ANKRD31: variants seen among roughly 807,000 people sequenced by gnomAD.
ANKRD31 encodes ankyrin repeat domain-containing protein 31.
In ANKRD31, 147 loss-of-function variants were observed where a neutral mutation model predicts 186.0. The observed-to-expected ratio is 0.79, with a 90% CI of 0.69 to 0.91. ANKRD31 has a LOEUF of 0.91. Among genes scored for constraint, ANKRD31 ranks in the 40% least tolerant of loss-of-function variants. The pLI is 0.00. For synonymous variants in ANKRD31, 673 were observed against 736.4 expected (o/e 0.91, Z 1.39); for missense variants, 1,986 against 2,148.8 (o/e 0.92, Z 1.50).
intron 3 of ANKRD31, among the ~76,000 whole-genome samples, chr5:75,221,348 A>C (rs1757288904): frequency 6.6e-6 from 1 of 152,178 alleles, no homozygotes; most frequent in Admixed American, 6.5e-5. Flanking sequence ...AAAAGTAAAA[A>C]TTCTTTGTGT....
intron 25 of ANKRD31, among the ~76,000 whole-genome samples, chr5:75,072,300 G>T (rs1744298471): frequency 6.6e-6 from 1 of 151,976 alleles, no homozygotes; most frequent in Non-Finnish European, 1.5e-5. Flanking sequence ...AAATCAAAGT[G>T]TTGTGTTTGA....
intron 11 of ANKRD31, among the ~76,000 whole-genome samples, chr5:75,157,693 T>C (rs548086957): frequency 2.6e-4 from 39 of 152,292 alleles, no homozygotes; most frequent in African/African-American, 9.4e-4. Flanking sequence ...TCCTGTTGTC[T>C]AGTGGCATGA....
intron 11 of ANKRD31, among the ~76,000 whole-genome samples, chr5:75,158,346 A>G (rs1001730269): frequency 1.5e-4 from 23 of 152,170 alleles, no homozygotes; most frequent in Admixed American, 1.4e-3. Flanking sequence ...AACAAGAAAA[A>G]AATTTTGCAA....
chr5:75,091,196 C>T (rs190346250), intron 23 of ANKRD31, 65 bp downstream of exon 23: 1 of 1,464,894 alleles, frequency 6.8e-7, no homozygotes, highest in Non-Finnish European at 9.0e-7. Context: ...AAAATACTTT[C>T]ATCACAAAAA....
chr5:75,216,771 A>G (rs1244173314), intron 3 of ANKRD31, among the ~76,000 whole-genome samples: 1 of 152,046 alleles, frequency 6.6e-6, no homozygotes, highest in Non-Finnish European at 1.5e-5. Flanking sequence ...ACTTATGCCA[A>G]GGTGCTAACA....
At chr5:75,128,501 TTTTA>T (rs1271760104) in intron 17 of ANKRD31, among the ~76,000 whole-genome samples, 2 of 151,314 alleles carry the variant, frequency 1.3e-5, no homozygotes, top group Non-Finnish European at 2.9e-5. Flanking sequence ...TTTCACTTTA[TTTTA>T]TTTATTTATT....
intron 10 of ANKRD31, among the ~76,000 whole-genome samples, chr5:75,188,117 A>G (rs889615659): frequency 1.3e-5 from 2 of 151,710 alleles, no homozygotes; most frequent in African/African-American, 4.8e-5. Flanking sequence ...TTCATCATAA[A>G]TTTTCCCCTA....
At chr5:75,217,843 T>C (rs543230307) in intron 3 of ANKRD31, among the ~76,000 whole-genome samples, 2 of 152,282 alleles carry the variant, frequency 1.3e-5, no homozygotes, top group Admixed American at 6.5e-5. Flanking sequence ...GTGGTTGCTT[T>C]ATACTGTCAC....
In ANKRD31 at chr5:75,068,607, A is replaced by T; in HGVS notation, c.5705T>A (p.Leu1902Gln). Reference protein sequence around the residue: ...SPRYLQINEILLISDQEFLPC... With the variant: ...SPRYLQINEIQLISDQEFLPC... ...GAGAAATTCTTGATCACTGATTAAT[A>T]GTATTTCATTTATTTGTAGATAACG... Residue 1902 changes from leucine to glutamine, a missense_variant, in exon 26 of 26, where the codon CTA (leucine) becomes CAA (glutamine). Physicochemically the swap from Leu to Gln is moderately radical, Grantham distance 113. Coordinates refer to ENST00000506364, the MANE Select transcript of ANKRD31 (RefSeq NM_001372053.1). The T allele has an allele frequency of 3.3e-6, 5 of 1,523,916 alleles. No individual in the cohort carries two copies. Among genetic ancestry groups the T allele is most frequent in the Non-Finnish European group, 4.4e-6 (5 of 1,141,346 alleles). 94.4% of individuals were successfully genotyped at this position (1,523,916 alleles called of 1,614,324 possible). A position where few individuals can be genotyped will look rare whatever the true frequency, so the allele number is the denominator to read the frequency against.
At chr5:75,114,214 T>C (rs1449770473) in intron 19 of ANKRD31, among the ~76,000 whole-genome samples, 1 of 152,180 alleles carries the variant, frequency 6.6e-6, no homozygotes, top group Non-Finnish European at 1.5e-5. Context: ...CGAGGGCAGC[T>C]AAACCAGGCT....
At chr5:75,197,536 T>C (rs1465443274) in intron 6 of ANKRD31, among the ~76,000 whole-genome samples, 1 of 152,200 alleles carries the variant, frequency 6.6e-6, no homozygotes, top group Non-Finnish European at 1.5e-5. Context: ...TATATATTAA[T>C]AGCATACAGC....
chr5:75,140,597 A>G (rs1202710338), intron 15 of ANKRD31, among the ~76,000 whole-genome samples: 2 of 152,298 alleles, frequency 1.3e-5, no homozygotes, highest in South Asian at 2.1e-4. Flanking sequence ...AACCAATAGA[A>G]TATTTCCATA....
chr5:75,130,115 T>C (rs767382974), intron 17 of ANKRD31, among the ~76,000 whole-genome samples: 18 of 152,300 alleles, frequency 1.2e-4, no homozygotes, highest in South Asian at 2.1e-4. Context: ...TGGTGGGTTC[T>C]TGGTCTCACT....
At position 75,193,537 on chromosome 5, in the gene ANKRD31, T is replaced by C; in HGVS notation, c.1072A>G (p.Thr358Ala). Reference sequence around the variant, plus strand: ...TTATTACTTAGTGGCTCACAAGAAGTGATATTTTGATGAGCCAAAGTTTGC... The same window carrying C: ...TTATTACTTAGTGGCTCACAAGAAGCGATATTTTGATGAGCCAAAGTTTGC... ...GLQTLAHQNI[T>A]SCEPLSNKRN... The change falls in exon 8 of 26, where the codon ACT becomes GCT. Residue 358 changes from threonine to alanine, a missense_variant. Coordinates refer to ENST00000506364, the MANE Select transcript of ANKRD31 (RefSeq NM_001372053.1). 2 of 1,536,760 alleles carry C rather than the reference T, an allele frequency of 1.3e-6. No individual in the cohort carries two copies.
chr5:75,187,062 G>A (rs183348570), intron 10 of ANKRD31, among the ~76,000 whole-genome samples: 41 of 142,054 alleles, frequency 2.9e-4, no homozygotes, highest in South Asian at 4.4e-4. Context: ...TGTTTTGGGA[G>A]GCAAAATGAT....
chr5:75,087,304 G>A (rs1745571697), intron 23 of ANKRD31, among the ~76,000 whole-genome samples: 2 of 152,102 alleles, frequency 1.3e-5, no homozygotes, highest in African/African-American at 2.4e-5. Flanking sequence ...CTGAGGTCAG[G>A]AGTTTGAGCC....
In ANKRD31 at chr5:75,091,325, A is replaced by G. The variant is rs1407420552; in HGVS notation, c.5408T>C (p.Val1803Ala). ...TCCCAGAAGATCCTTGAGCCAGGTGACTGGGTTTTTATAAATCTGACCACT... is the reference window on the plus strand; with the variant it reads ...TCCCAGAAGATCCTTGAGCCAGGTGGCTGGGTTTTTATAAATCTGACCACT... ...VESGQIYKNP[V>A]TWLKDLLGGN... Residue 1803 changes from valine (V) to alanine (A), a missense_variant, in exon 23 of 26, where the codon GTC (valine) becomes GCC (alanine). Val to Ala is a moderately conservative substitution (Grantham distance 64). Coordinates refer to ENST00000506364, the MANE Select transcript of ANKRD31 (RefSeq NM_001372053.1). 13 of 1,537,050 alleles carry G rather than the reference A, an allele frequency of 8.5e-6. 1 individual carries two copies. In the East Asian group the frequency reaches 3.2e-4, roughly 38 times the overall value.
intron 6 of ANKRD31, among the ~76,000 whole-genome samples, 172 bp downstream of exon 6, chr5:75,199,459 A>G (rs1028811394): frequency 1.3e-5 from 2 of 152,246 alleles, no homozygotes; most frequent in Non-Finnish European, 2.9e-5. Context: ...CATTAGCAAT[A>G]AGGAAGAATA....
At position 75,236,720 on chromosome 5, in the gene ANKRD31, C is replaced by T; in HGVS notation, c.-34G>A. 1 of 1,484,082 alleles carries T rather than the reference C, an allele frequency of 6.7e-7. No individual in the cohort carries two copies. Among genetic ancestry groups the T allele is most frequent in the East Asian group, 2.5e-5 (1 of 39,834 alleles). The allele number at this position is 1,484,082 out of a possible 1,614,324, so 91.9% of individuals were successfully genotyped here. ...CACATTCAAAGTCTTTTTTACCCTC[C>T]TCTAACTCCCTCTTGCCCGCAAACA... On this transcript the variant is annotated 5_prime_UTR_variant, in exon 1 of 26. Transcript: ENST00000506364.
Sources: gnomAD v4.1 joint callset for allele counts (sites outside exome capture counted in the v4.1 genomes callset) on GRCh38, gnomAD v4.1.1 for gene constraint, MANE v1.5 for transcripts, NCBI Gene and HGNC (gene_info 2026-07-23, HGNC 2026-07-21) for gene names.